The following MCPH1 variants were observed in gnomAD, a reference collection of about 807,000 sequenced individuals.
MCPH1 encodes the protein microcephalin.
MCPH1 carries 104 observed loss-of-function variants against 84.5 expected under a neutral mutation model. The ratio of observed to expected loss-of-function variants is 1.23; its 90% CI spans 1.05 to 1.45. The LOEUF is 1.45. MCPH1 is among the 40% of genes most tolerant of loss of function. The probability of loss-of-function intolerance (pLI) is 0.00; values close to 1 mark genes in which losing one functional copy is unlikely to be tolerated. For missense variants in MCPH1, 1,498 were observed against 1,005.7 expected (o/e 1.49, Z -6.62); for synonymous variants, 514 against 366.8 (o/e 1.40, Z -4.58).
At chr8:6,485,881 C>T (rs1019392634) in intron 11 of MCPH1, among the ~76,000 whole-genome samples, 1 of 152,114 alleles carries the variant, frequency 6.6e-6, no homozygotes, top group Non-Finnish European at 1.5e-5. Flanking sequence ...CGATGACTCT[C>T]GCTGGCACAA....
At chr8:6,457,977 A>G (rs527261038) in intron 9 of MCPH1, among the ~76,000 whole-genome samples, 2 of 152,258 alleles carry the variant, frequency 1.3e-5, no homozygotes, top group African/African-American at 2.4e-5. Flanking sequence ...TGTCATTAAT[A>G]TGGGGTGCAC....
intron 2 of MCPH1, among the ~76,000 whole-genome samples, chr8:6,412,167 A>G (rs1798628812): frequency 6.6e-6 from 1 of 152,140 alleles, no homozygotes; most frequent in African/African-American, 2.4e-5. Flanking sequence ...AGGAATCCGA[A>G]TATAGGAGCA....
intron 10 of MCPH1, among the ~76,000 whole-genome samples, chr8:6,477,836 A>T (rs1264341951): frequency 1.3e-5 from 2 of 152,246 alleles, no homozygotes; most frequent in East Asian, 3.8e-4. Flanking sequence ...GGGGTTGTTT[A>T]GGCAGCATTA....
At chr8:6,538,584 T>C (rs1345506278) in intron 12 of MCPH1, among the ~76,000 whole-genome samples, 1 of 152,186 alleles carries the variant, frequency 6.6e-6, no homozygotes, top group Non-Finnish European at 1.5e-5. Flanking sequence ...AGCGGCCTCA[T>C]ACCACGGCCG....
In MCPH1 at chr8:6,582,696, C is replaced by T. The variant is rs574582927; in HGVS notation, c.2215-38758C>T. 8.5e-5 allele frequency among the ~76,000 whole-genome samples: 13 copies of T among 152,322 alleles called. No individual in the cohort carries two copies. In the South Asian group the frequency reaches 2.7e-3, roughly 32 times the overall value. The stretch of plus-strand genomic sequence containing the variant: ...CTGCCTTCCCCGTCCAAGGAAACCA[C>T]TGTCTGGAATCCTTCGTCATTCAAG... On this transcript the variant is annotated intron_variant, in intron 12 of 13. Coordinates refer to ENST00000344683, the MANE Select transcript of MCPH1 (RefSeq NM_024596.5).
chr8:6,517,245 T>C lies in MCPH1; in HGVS notation c.2214+17316T>C, dbSNP rs1351253951. 2.0e-5 allele frequency among the ~76,000 whole-genome samples: 3 copies of C among 152,314 alleles called. No individual in the cohort carries two copies. The East Asian group carries it at 5.8e-4, about 29-fold the overall frequency. On this transcript the variant is annotated intron_variant, in intron 12 of 13. Coordinates refer to ENST00000344683, the MANE Select transcript of MCPH1 (RefSeq NM_024596.5). The stretch of plus-strand genomic sequence containing the variant: ...CAGTTAATATCTTTAATCTGTCCAC[T>C]GGTGCATGGTGCAGGAACCTGATAT...
intron 12 of MCPH1, among the ~76,000 whole-genome samples, chr8:6,592,012 GA>G (rs1828494930): frequency 1.3e-5 from 2 of 152,312 alleles, no homozygotes; most frequent in African/African-American, 4.8e-5. Context: ...GAAACCATGT[GA>G]AGCTCTGTTA....
intron 12 of MCPH1, among the ~76,000 whole-genome samples, chr8:6,575,266 AGGT>A (rs1826976428): frequency 6.6e-6 from 1 of 152,242 alleles, no homozygotes; most frequent in African/African-American, 2.4e-5. Context: ...TATATGAAAC[AGGT>A]GAAGAAGAAC....
At chr8:6,480,007 C>A (rs966017167) in intron 10 of MCPH1, among the ~76,000 whole-genome samples, 1 of 152,048 alleles carries the variant, frequency 6.6e-6, no homozygotes, top group Non-Finnish European at 1.5e-5. Flanking sequence ...AAGTGAGGTT[C>A]TTGGTTCTGA....
intron 9 of MCPH1, chr8:6,477,368 C>T (rs927056198): frequency 5.7e-6 from 3 of 525,190 alleles, no homozygotes; most frequent in Admixed American, 3.5e-5. Context: ...TGCTCTTGTA[C>T]CTCATGTCTG....
intron 12 of MCPH1, chr8:6,508,990 G>A (rs1217265272): frequency 6.2e-7 from 1 of 1,613,956 alleles, no homozygotes; most frequent in Non-Finnish European, 8.5e-7. Context: ...CATCCTTTGT[G>A]CTAAAATCAT....
chr8:6,519,755 GT>G, intron 12 of MCPH1: 1 of 1,417,098 alleles, frequency 7.1e-7, no homozygotes, highest in Admixed American at 1.9e-5. Context: ...TTTGTACTGT[GT>G]GAGGCTGGGG....
chr8:6,467,846 C>A (rs893346373), intron 9 of MCPH1, among the ~76,000 whole-genome samples: 3 of 152,190 alleles, frequency 2.0e-5, no homozygotes, highest in Admixed American at 6.5e-5. Context: ...CATCCACTCG[C>A]CTGGGTCTCC....
At chr8:6,520,097 T>A in intron 12 of MCPH1, 1 of 1,332,458 alleles carries the variant, frequency 7.5e-7, no homozygotes, top group Non-Finnish European at 1.0e-6. Context: ...TTGGAATTCT[T>A]AAGTAAGCAA....
chr8:6,457,042 A>G (rs1055072767), intron 9 of MCPH1, among the ~76,000 whole-genome samples: 1 of 152,218 alleles, frequency 6.6e-6, no homozygotes, highest in East Asian at 1.9e-4. Context: ...AGTAATGATA[A>G]AAGAATGAGT....
At position 6,621,711 on chromosome 8, in the gene MCPH1, G is replaced by C. The variant is rs1379048227; in HGVS notation, c.2452+20G>C. On this transcript the variant is annotated intron_variant, in intron 13 of 13. Transcript: ENST00000344683. ...TCTTAGGTAAGAATCCAGGCACACA[G>C]ACGCTGTGGTGTGGTCCAGATCTGT... is the stretch of plus-strand genomic sequence containing the variant. 1.2e-6 allele frequency: 2 copies of C among 1,613,976 alleles called. No homozygotes were observed. Among genetic ancestry groups the C allele is most frequent in the Non-Finnish European group, 1.7e-6 (2 of 1,180,032 alleles).
intron 12 of MCPH1, among the ~76,000 whole-genome samples, chr8:6,577,631 C>G (rs1199530687): frequency 2.0e-5 from 3 of 152,220 alleles, no homozygotes; most frequent in African/African-American, 4.8e-5. Context: ...AATCTTTGTT[C>G]ATGAAAGGCA....
chr8:6,415,291 T>G, intron 3 of MCPH1, among the ~76,000 whole-genome samples: 1 of 31,038 alleles, frequency 3.2e-5, no homozygotes, highest in African/African-American at 7.5e-5. Flanking sequence ...AGGGTTGGTA[T>G]CTTCTTTTTT....
At chr8:6,432,722 G>T (rs540543912) in intron 4 of MCPH1, among the ~76,000 whole-genome samples, 11 of 152,116 alleles carry the variant, frequency 7.2e-5, no homozygotes, top group Non-Finnish European at 1.6e-4. Flanking sequence ...ATATTTCTTC[G>T]TTACATTTCA....
Sources: allele counts gnomAD v4.1 joint callset (sites outside exome capture counted in the v4.1 genomes callset), GRCh38; gene constraint gnomAD v4.1.1; transcripts MANE v1.5; gene names NCBI Gene and HGNC (gene_info 2026-07-23, HGNC 2026-07-21).